The following ITGAM variants were observed in gnomAD, a reference collection of about 807,000 sequenced individuals.
The protein encoded by ITGAM is integrin alpha-M.
ITGAM carries 79 observed loss-of-function variants against 137.5 expected under a neutral mutation model. That is an observed-to-expected ratio of 0.57 (90% CI 0.48 to 0.69). The LOEUF is 0.69. ITGAM is among the 30% of genes least tolerant of loss of function. The pLI, the probability that ITGAM is intolerant of heterozygous loss-of-function variation, is 0.00. For synonymous variants in ITGAM, 583 were observed against 592.3 expected, an observed-to-expected ratio of 0.98 and a Z score of 0.23; for missense variants, 1,343 against 1,483.5, an observed-to-expected ratio of 0.91 and a Z score of 1.56.
At position 31,330,583 on chromosome 16, in the gene ITGAM, A is replaced by AG. The variant is rs1491214507; in HGVS notation, c.3259dup (p.Ala1087GlyfsTer57). The AG allele has an allele frequency of 3.1e-6, 5 of 1,611,462 alleles. No homozygotes were observed. The highest frequency in any genetic ancestry group is 3.4e-6 in the Non-Finnish European group (4 of 1,178,424). On this transcript the variant is annotated frameshift_variant, in exon 28 of 30. Coordinates refer to ENST00000544665, the MANE Select transcript of ITGAM (RefSeq NM_000632.4). LOFTEE classifies it high-confidence loss of function. ...TCCGTGTTCACCCTGCTGCCGGGAC[A>AG]GGGGGCGTTTGTGAGGTCCCAGGTA...
At chr16:31,306,154 A>G (rs1018521028) in intron 14 of ITGAM, among the ~76,000 whole-genome samples, 1 of 152,056 alleles carries the variant, frequency 6.6e-6, no homozygotes, top group East Asian at 1.9e-4. Context: ...ATTTCTTGCT[A>G]TAGCTATTAT....
chr16:31,318,059 G>A (rs1322021560), intron 14 of ITGAM, among the ~76,000 whole-genome samples: 1 of 152,106 alleles, frequency 6.6e-6, no homozygotes, highest in Non-Finnish European at 1.5e-5. Context: ...GCTTTTCTTT[G>A]TTAGGAGGTC....
intron 14 of ITGAM, among the ~76,000 whole-genome samples, chr16:31,302,910 TTCCC>T (rs1303634683): frequency 3.4e-5 from 5 of 146,416 alleles, no homozygotes; most frequent in Admixed American, 1.4e-4. Flanking sequence ...CTCTCTCTCT[TTCCC>T]TCCCTCTTTC....
chr16:31,278,354 G>A (rs2079932678), intron 12 of ITGAM, among the ~76,000 whole-genome samples: 1 of 152,102 alleles, frequency 6.6e-6, no homozygotes, highest in East Asian at 1.9e-4. Flanking sequence ...ACTCAGGGCT[G>A]GTATTCAACC....
intron 1 of ITGAM, among the ~76,000 whole-genome samples, chr16:31,260,459 G>A (rs41354645): frequency 3.9e-5 from 6 of 152,222 alleles, no homozygotes; most frequent in African/African-American, 1.4e-4. Flanking sequence ...CTTTGCCTCC[G>A]GTTCTATTTT....
chr16:31,331,782 C>G lies in ITGAM; in HGVS notation c.*75C>G. 2 of 1,191,258 alleles carry G rather than the reference C, an allele frequency of 1.7e-6. No homozygotes were observed. Among genetic ancestry groups the G allele is most frequent in the Non-Finnish European group, 2.4e-6 (2 of 846,544 alleles). The allele number at this position is 1,191,258 out of a possible 1,614,324, so 73.8% of individuals were successfully genotyped here. On this transcript the variant is annotated 3_prime_UTR_variant, in exon 30 of 30. Coordinates refer to ENST00000544665, the MANE Select transcript of ITGAM (RefSeq NM_000632.4). ...CAGACCACACGTAGCCCCCAGGCTG[C>G]TGGACACGTCGGACAGCGAAGTATC...
At chr16:31,287,257 A>G (rs975011706) in intron 12 of ITGAM, among the ~76,000 whole-genome samples, 1 of 152,066 alleles carries the variant, frequency 6.6e-6, no homozygotes, top group Admixed American at 6.6e-5. Context: ...TCTTTGTACC[A>G]GTACCATACT....
chr16:31,266,143 C>T lies in ITGAM; in HGVS notation c.423C>T (p.Leu141=). 1.2e-6 allele frequency: 2 copies of T among 1,611,672 alleles called. No homozygotes were observed. The highest frequency in any genetic ancestry group is 1.6e-4 in the Middle Eastern group (1 of 6,062). Residue 141 remains leucine (L), a synonymous_variant, in exon 5 of 30, where the codon CTC becomes CTT. Transcript: ENST00000544665. ...AGCCCCAGAAGTTCCCAGAGGCCCT[C>T]CGAGGTGGGTTGCCTTTGGCAGAGG... is the stretch of plus-strand genomic sequence containing the variant. ...RQQPQKFPEA[L]RGCPQEDSDI... is the part of the protein sequence containing the mutation.
At chr16:31,267,481 C>G (rs1414173175) in intron 5 of ITGAM, among the ~76,000 whole-genome samples, 1 of 152,060 alleles carries the variant, frequency 6.6e-6, no homozygotes, top group Admixed American at 6.6e-5. Flanking sequence ...TCTAAAGGAG[C>G]TGTAACACCG....
At chr16:31,281,625 T>C (rs963716050) in intron 12 of ITGAM, among the ~76,000 whole-genome samples, 8 of 152,220 alleles carry the variant, frequency 5.3e-5, no homozygotes, top group African/African-American at 1.9e-4. Context: ...TCTTTATTAG[T>C]CTTGCTAGCG....
intron 15 of ITGAM, 29 bp downstream of exon 15, chr16:31,321,400 C>T (rs1431613618): frequency 6.2e-7 from 1 of 1,613,782 alleles, no homozygotes; most frequent in East Asian, 2.2e-5. Flanking sequence ...GTCAACCGGA[C>T]ATTCTCCCTT....
Position 31,270,186 on chromosome 16 carries a change from T to A in ITGAM, c.428-768T>A, listed in dbSNP as rs1163005539. On this transcript the variant is annotated intron_variant, in intron 5 of 29. Coordinates refer to ENST00000544665, the MANE Select transcript of ITGAM (RefSeq NM_000632.4). Reference sequence around the variant, plus strand: ...TCCTTTCCTTTCCTTTCCTTTCCTTTCCTTTTTTTCTTCCTTTCTTCCTTT... The same window carrying A: ...TCCTTTCCTTTCCTTTCCTTTCCTTACCTTTTTTTCTTCCTTTCTTCCTTT... Among the ~76,000 whole-genome samples the A allele has an allele frequency of 2.0e-5, 3 of 149,322 alleles. No homozygotes were observed. In the Admixed American group the frequency reaches 2.0e-4, roughly 10 times the overall value.
chr16:31,262,146 GC>G (rs1163973642), intron 2 of ITGAM, among the ~76,000 whole-genome samples: 1 of 152,142 alleles, frequency 6.6e-6, no homozygotes, highest in Non-Finnish European at 1.5e-5. Flanking sequence ...ATTAAGGCCT[GC>G]CTGCAGGCTG....
At chr16:31,263,670 T>C (rs1332608414) in intron 2 of ITGAM, among the ~76,000 whole-genome samples, 2 of 151,322 alleles carry the variant, frequency 1.3e-5, no homozygotes, top group East Asian at 1.9e-4. Context: ...TCTTTCTTTT[T>C]TTTTTTTTTT....
rs751818658 is a variant in ITGAM at position 31,326,840 on chromosome 16, C to G, written c.2629-16C>G. The G allele has an allele frequency of 4.4e-6, 7 of 1,577,578 alleles. No individual in the cohort carries two copies. The South Asian group carries it at 7.8e-5, about 18-fold the overall frequency. ...TCTCATATTTCTGTCATTGTCTCTC[C>G]TTTCTCTCACTCCAGGTCACCTTTA... On this transcript the variant is annotated splice_polypyrimidine_tract_variant and intron_variant, in intron 21 of 29. Coordinates refer to ENST00000544665, the MANE Select transcript of ITGAM (RefSeq NM_000632.4).
At chr16:31,262,865 C>G (rs2079721092) in intron 2 of ITGAM, among the ~76,000 whole-genome samples, 1 of 152,212 alleles carries the variant, frequency 6.6e-6, no homozygotes, top group African/African-American at 2.4e-5. Flanking sequence ...CTTTATCTCC[C>G]ATAATACAGC....
intron 12 of ITGAM, among the ~76,000 whole-genome samples, chr16:31,290,080 C>CAAAAAA (rs780127045): frequency 8.9e-5 from 5 of 56,114 alleles, no homozygotes; most frequent in South Asian, 6.1e-4. Flanking sequence ...AAACTCCATC[C>CAAAAAA]AAAAAAAAAA....
intron 24 of ITGAM, 77 bp from the exon 25 acceptor site, chr16:31,329,721 C>T (rs768877694): frequency 3.1e-6 from 4 of 1,275,534 alleles, no homozygotes; most frequent in Non-Finnish European, 4.4e-6. Context: ...TGGCCTGCCC[C>T]GTGGGGAGGG....
intron 12 of ITGAM, among the ~76,000 whole-genome samples, chr16:31,290,465 G>A (rs1257631782): frequency 6.6e-6 from 1 of 152,104 alleles, no homozygotes; most frequent in Non-Finnish European, 1.5e-5. Flanking sequence ...CATAACAGCA[G>A]ATTAAAGAAG....
Sources: allele counts gnomAD v4.1 joint callset (sites outside exome capture counted in the v4.1 genomes callset), GRCh38; gene constraint gnomAD v4.1.1; transcripts MANE v1.5; gene names NCBI Gene and HGNC (gene_info 2026-07-23, HGNC 2026-07-21).